SPTBN4: variants seen among roughly 807,000 people sequenced by gnomAD.
SPTBN4 encodes the protein spectrin beta chain, non-erythrocytic 4.
Under a neutral mutation model 277.8 loss-of-function variants are expected in SPTBN4, and 96 were observed. The observed-to-expected ratio is 0.35, with a 90% CI of 0.29 to 0.41. The LOEUF is 0.41. SPTBN4 is among the 10% of genes least tolerant of loss of function. The probability of loss-of-function intolerance (pLI) is 1.00; values close to 1 mark genes in which losing one functional copy is unlikely to be tolerated. For missense variants in SPTBN4, 3,006 were observed against 3,595.7 expected, an observed-to-expected ratio of 0.84 and a Z score of 4.19; for synonymous variants, 1,481 against 1,580.3, an observed-to-expected ratio of 0.94 and a Z score of 1.49.
intron 30 of SPTBN4, among the ~76,000 whole-genome samples, 182 bp from the exon 31 acceptor site, chr19:40,567,481 G>GA (rs2081106239): frequency 6.6e-6 from 1 of 152,150 alleles, no homozygotes; most frequent in Non-Finnish European, 1.5e-5. Context: ...GTTTGCCGGA[G>GA]AGAATAGGCT....
chr19:40,556,003 C>T (rs1599803843), intron 24 of SPTBN4, 81 bp from the exon 25 acceptor site: 3 of 1,283,844 alleles, frequency 2.3e-6, no homozygotes, highest in East Asian at 5.1e-5. Flanking sequence ...CAGCCCTGTC[C>T]TGGGGAGGGG....
intron 32 of SPTBN4, 25 bp from the exon 33 acceptor site, chr19:40,570,411 C>T (rs781383040): frequency 1.3e-6 from 2 of 1,538,140 alleles, no homozygotes; most frequent in Admixed American, 1.9e-5. Flanking sequence ...TGGACAGCAC[C>T]CCTCTTCCCC....
In SPTBN4 at chr19:40,532,672, G is replaced by T. The variant is rs573941593; in HGVS notation, c.3996G>T (p.Thr1332=). Residue 1332 remains threonine, a synonymous_variant, in exon 19 of 36, where the codon ACG becomes ACT. Coordinates refer to ENST00000598249, the MANE Select transcript of SPTBN4 (RefSeq NM_020971.3). ...AGATGCTGATGGCGCGGGATGGCAC[G>T]CGGGAGGACAACCACAAGCTGCATA... ...HEKMLMARDG[T]REDNHKLHKR... is the part of the protein sequence containing the mutation. 2.2e-5 allele frequency: 36 copies of T among 1,613,572 alleles called. No individual in the cohort carries two copies. Among genetic ancestry groups the T allele is most frequent in the Non-Finnish European group, 3.0e-5 (35 of 1,179,680 alleles).
At chr19:40,473,495 T>C (rs191154712) in intron 2 of SPTBN4, among the ~76,000 whole-genome samples, 53 of 152,016 alleles carry the variant, frequency 3.5e-4, no homozygotes, top group Middle Eastern at 3.4e-3. Context: ...GTAGCTGGGA[T>C]TACAGGCATG....
Position 40,554,504 on chromosome 19 carries a change from T to A in SPTBN4, c.4954-12T>A, listed in dbSNP as rs202127634. 9.5e-6 allele frequency: 14 copies of A among 1,480,310 alleles called. No homozygotes were observed. The East Asian group carries it at 2.0e-4, about 21-fold the overall frequency. The allele number at this position is 1,480,310 out of a possible 1,614,324, so 91.7% of individuals were successfully genotyped here. A position where few individuals can be genotyped will look rare whatever the true frequency, so the allele number is the denominator to read the frequency against. On this transcript the variant is annotated splice_polypyrimidine_tract_variant and intron_variant, in intron 23 of 35. Coordinates refer to ENST00000598249, the MANE Select transcript of SPTBN4 (RefSeq NM_020971.3). This position sits in a 1 kb window ranked among gnomAD's most constrained non-coding sequence, Gnocchi z 5.7. ...CCGCTGCCGCCTCATCGTGGGCGCT[T>A]TGTGCCCCCAGGACGAACAGAGCAC...
chr19:40,507,783 C>T (rs1169847735), intron 13 of SPTBN4, among the ~76,000 whole-genome samples: 6 of 151,988 alleles, frequency 3.9e-5, no homozygotes, highest in Non-Finnish European at 1.5e-5. Flanking sequence ...TGCCATGAGC[C>T]GAGATCGCAC....
chr19:40,572,816 T>G (rs2081167630), intron 35 of SPTBN4, among the ~76,000 whole-genome samples: 1 of 151,936 alleles, frequency 6.6e-6, no homozygotes, highest in Non-Finnish European at 1.5e-5. Flanking sequence ...AAAAATTAAC[T>G]GGGCATGGTG....
intron 12 of SPTBN4, 37 bp from the exon 13 acceptor site, chr19:40,506,199 G>A: frequency 1.3e-6 from 2 of 1,584,432 alleles, no homozygotes; most frequent in East Asian, 2.2e-5. Context: ...GCCCAGGGCA[G>A]TGCCAGAGGT....
chr19:40,556,904 G>A, intron 25 of SPTBN4, 119 bp from the exon 26 acceptor site: 2 of 1,314,702 alleles, frequency 1.5e-6, no homozygotes, highest in Non-Finnish European at 2.0e-6. Context: ...CGCCAACCTG[G>A]GCGACAGAGC....
chr19:40,484,723 G>T (rs1270986305), intron 2 of SPTBN4, among the ~76,000 whole-genome samples: 1 of 151,706 alleles, frequency 6.6e-6, no homozygotes, highest in Non-Finnish European at 1.5e-5. Flanking sequence ...GTCAGGAGAT[G>T]GAGACCATCC....
chr19:40,575,293 T>C (rs2081190991), intron 35 of SPTBN4, 118 bp from the exon 36 acceptor site: 1 of 1,204,080 alleles, frequency 8.3e-7, no homozygotes, highest in Non-Finnish European at 1.1e-6. Flanking sequence ...ATCATCATCA[T>C]CCCTTTTTAA....
chr19:40,535,615 T>C (rs1176281103), intron 20 of SPTBN4, among the ~76,000 whole-genome samples: 4 of 151,634 alleles, frequency 2.6e-5, no homozygotes, highest in Non-Finnish European at 4.4e-5. Context: ...TTAGTATGTA[T>C]TCATTCATCT....
At chr19:40,511,821 T>C (rs2145863132) in intron 13 of SPTBN4, among the ~76,000 whole-genome samples, 1 of 152,164 alleles carries the variant, frequency 6.6e-6, no homozygotes, top group South Asian at 2.1e-4. Context: ...CCTAGAAACA[T>C]GGTTTAAGAA....
intron 20 of SPTBN4, among the ~76,000 whole-genome samples, chr19:40,535,055 GTTGT>G (rs2080719668): frequency 6.6e-6 from 1 of 152,024 alleles, no homozygotes; most frequent in African/African-American, 2.4e-5. Flanking sequence ...TGTTGATGTT[GTTGT>G]TTGTTTTTTT....
chr19:40,487,995 C>T (rs1239693694), intron 3 of SPTBN4, 147 bp downstream of exon 3: 2 of 950,958 alleles, frequency 2.1e-6, no homozygotes, highest in South Asian at 2.1e-5. Flanking sequence ...GTAAGAGGTC[C>T]CTCTACTCGG....
Position 40,490,300 on chromosome 19 carries a change from C to A in SPTBN4, c.495+52C>A, listed in dbSNP as rs745579104. 1.3e-6 allele frequency: 2 copies of A among 1,562,598 alleles called. No individual in the cohort carries two copies. On this transcript the variant is annotated intron_variant, in intron 4 of 35. Transcript: ENST00000598249. This position sits in a 1 kb window ranked among gnomAD's most constrained non-coding sequence, Gnocchi z 4.3. ...CCCCGCAACATGGGACTTAGGAAAG[C>A]GTTCCCCACCATTTACCCATTCATT...
intron 1 of SPTBN4, among the ~76,000 whole-genome samples, chr19:40,470,244 C>T (rs891812347): frequency 7.9e-5 from 12 of 152,034 alleles, no homozygotes; most frequent in Non-Finnish European, 1.8e-4. Flanking sequence ...GGCAATCCAC[C>T]CGCCTTGGCC....
intron 4 of SPTBN4, among the ~76,000 whole-genome samples, chr19:40,492,242 A>G (rs2080147129): frequency 6.6e-6 from 1 of 151,938 alleles, no homozygotes; most frequent in South Asian, 2.1e-4. Flanking sequence ...GGGAAGACTC[A>G]GAGCTCTGGC....
rs201029451 is a variant in SPTBN4, at chr19:40,494,886, C to T, written c.588-11C>T. The T allele has an allele frequency of 3.7e-5, 59 of 1,613,900 alleles. No homozygotes were observed. The highest frequency in any genetic ancestry group is 4.7e-5 in the Non-Finnish European group (56 of 1,179,852). ...CCATCTCTGCCTCTGTTTCTCCCTT[C>T]ACCCTTCCAGTTACCCTGAGGTAAA... On this transcript the variant is annotated splice_polypyrimidine_tract_variant and intron_variant, in intron 5 of 35. Transcript: ENST00000598249.
Sources: allele counts gnomAD v4.1 joint callset (sites outside exome capture counted in the v4.1 genomes callset), GRCh38; gene constraint gnomAD v4.1.1; non-coding constraint Gnocchi (gnomAD v3.1); transcripts MANE v1.5; gene names NCBI Gene and HGNC (gene_info 2026-07-23, HGNC 2026-07-21).